PCDHA6: variants seen among roughly 807,000 people sequenced by gnomAD.
PCDHA6 encodes the protein protocadherin alpha 6.
A neutral mutation model predicts 60.3 loss-of-function variants in PCDHA6; 55 were observed. The observed-to-expected ratio is 0.91, with a 90% confidence interval of 0.73 to 1.14. The LOEUF is 1.14. Ranked by LOEUF, PCDHA6 falls within the 50% of genes most tolerant of loss-of-function variation. The pLI, the probability that PCDHA6 is intolerant of heterozygous loss-of-function variation, is 0.00. For synonymous variants in PCDHA6, 652 were observed against 557.9 expected, an observed-to-expected ratio of 1.17 and a Z score of -2.38; for missense variants, 1,327 against 1,256.5, an observed-to-expected ratio of 1.06 and a Z score of -0.85.
At chr5:140,994,809 C>G (rs1366407347) in intron 3 of PCDHA6, among the ~76,000 whole-genome samples, 1 of 152,016 alleles carries the variant, frequency 6.6e-6, no homozygotes, top group Non-Finnish European at 1.5e-5. Flanking sequence ...AAACAAAATA[C>G]AAAAAACTGA....
intron 3 of PCDHA6, among the ~76,000 whole-genome samples, chr5:141,000,416 TA>T (rs1479552208): frequency 1.6e-3 from 150 of 93,344 alleles, no homozygotes; most frequent in Non-Finnish European, 2.1e-3. Flanking sequence ...TATATATATA[TA>T]TATATTTTTT....
chr5:141,007,775 A>G (rs1156577699), intron 3 of PCDHA6, among the ~76,000 whole-genome samples: 2 of 152,216 alleles, frequency 1.3e-5, no homozygotes, highest in Non-Finnish European at 2.9e-5. Context: ...TGGAAATGGT[A>G]CTGCTTTACA....
At chr5:140,915,825 C>T (rs1272581051) in intron 1 of PCDHA6, among the ~76,000 whole-genome samples, 1 of 152,118 alleles carries the variant, frequency 6.6e-6, no homozygotes, top group Non-Finnish European at 1.5e-5. Flanking sequence ...GGCCCTAGGG[C>T]TCTAAGATCA....
In PCDHA6 at chr5:140,834,566, G is replaced by T. The variant is rs149709586; in HGVS notation, c.2394+4081G>T. ...GGCTGGAGCTGGCGGAGCTGGTGCC[G>T]CGCCTGTTCCGGGCGGTGTGCAAAT... is the stretch of plus-strand genomic sequence containing the variant. On this transcript the variant is annotated intron_variant, in intron 1 of 3. Transcript: ENST00000529310. The T allele has an allele frequency of 1.5e-3, 2,437 of 1,614,096 alleles. 37 individuals carry two copies. In the African/African-American group the frequency reaches 0.029, roughly 19 times the overall value.
intron 1 of PCDHA6, chr5:140,866,572 G>A (rs1184209628): frequency 1.3e-5 from 2 of 152,168 alleles, no homozygotes; most frequent in Non-Finnish European, 2.9e-5. Context: ...TGTTAATACA[G>A]TGGTTGGATA....
chr5:140,835,878 G>T lies in PCDHA6; in HGVS notation c.2394+5393G>T, dbSNP rs138465402. On this transcript the variant is annotated intron_variant, in intron 1 of 3. Coordinates refer to ENST00000529310, the MANE Select transcript of PCDHA6 (RefSeq NM_018909.4). ...GTCCTACTCGCTGGTGGAGCTGCGG[G>T]TGGGCGAGCGCGCGCTGTCGAGCTA... The T allele has an allele frequency of 1.4e-4, 227 of 1,611,876 alleles. 3 individuals carry two copies. The highest frequency in any genetic ancestry group is 3.7e-4 in the Admixed American group (22 of 59,972).
At chr5:140,849,211 C>G (rs2040817305) in intron 1 of PCDHA6, 1 of 1,031,974 alleles carries the variant, frequency 9.7e-7, no homozygotes, top group East Asian at 2.6e-5. Flanking sequence ...AATGACAATG[C>G]CCCAGTGTTC....
chr5:140,943,476 AAAT>A (rs1167849813), intron 1 of PCDHA6, among the ~76,000 whole-genome samples: 3 of 152,134 alleles, frequency 2.0e-5, no homozygotes, highest in Non-Finnish European at 2.9e-5. Context: ...AGATACAGTA[AAAT>A]AATAAATAGA....
At chr5:140,869,695 A>G (rs2051335232) in intron 1 of PCDHA6, 1 of 1,613,342 alleles carries the variant, frequency 6.2e-7, no homozygotes, top group African/African-American at 1.3e-5. Context: ...TATTTTAAAG[A>G]AGTCTCTGGA....
chr5:140,968,855 A>G (rs2096275634), intron 1 of PCDHA6: 2 of 1,614,198 alleles, frequency 1.2e-6, no homozygotes, highest in Non-Finnish European at 1.7e-6. Flanking sequence ...GCATGTTAAG[A>G]GCCCTCGGAC....
At chr5:140,933,773 A>G (rs2089413998) in intron 1 of PCDHA6, among the ~76,000 whole-genome samples, 1 of 152,040 alleles carries the variant, frequency 6.6e-6, no homozygotes, top group South Asian at 2.1e-4. Context: ...CTGTACCTAC[A>G]GTTTTCTTTG....
intron 1 of PCDHA6, among the ~76,000 whole-genome samples, chr5:140,956,723 A>G (rs536528599): frequency 6.6e-6 from 1 of 152,166 alleles, no homozygotes; most frequent in Non-Finnish European, 1.5e-5. Context: ...AAGAATTGGT[A>G]CCAGCTCCTC....
chr5:140,868,098 A>G (rs972281563), intron 1 of PCDHA6: 22 of 152,120 alleles, frequency 1.4e-4, no homozygotes, highest in Admixed American at 1.0e-3. Context: ...AATGATAATA[A>G]AATTTATTTT....
chr5:140,941,373 G>A (rs576282436), intron 1 of PCDHA6, among the ~76,000 whole-genome samples: 2 of 134,082 alleles, frequency 1.5e-5, no homozygotes, highest in South Asian at 5.1e-4. Flanking sequence ...CTGGAGTGTA[G>A]TGACAGGATT....
intron 1 of PCDHA6, among the ~76,000 whole-genome samples, chr5:140,886,264 A>T (rs1471846282): frequency 3.3e-5 from 5 of 151,982 alleles, no homozygotes; most frequent in Admixed American, 3.3e-4. Flanking sequence ...CTATTTATAG[A>T]TAAAATTTTT....
intron 1 of PCDHA6, among the ~76,000 whole-genome samples, chr5:140,874,790 A>C (rs2055107111): frequency 6.6e-6 from 1 of 152,254 alleles, no homozygotes; most frequent in East Asian, 1.9e-4. Context: ...TCTAACTTTC[A>C]TCAGATTTAT....
intron 1 of PCDHA6, among the ~76,000 whole-genome samples, chr5:140,964,964 C>T (rs1035701368): frequency 2.6e-5 from 4 of 152,212 alleles, no homozygotes; most frequent in Non-Finnish European, 4.4e-5. Flanking sequence ...GTTGGTGGAA[C>T]GAAGGGATGT....
intron 1 of PCDHA6, among the ~76,000 whole-genome samples, chr5:140,975,683 G>T (rs1226769029): frequency 6.6e-6 from 1 of 151,934 alleles, no homozygotes; most frequent in Non-Finnish European, 1.5e-5. Context: ...AATAAAATAG[G>T]GTATTTTAAA....
rs76093196 is a variant in PCDHA6, at chr5:140,971,173, C to G, written c.2395-7776C>G. Reference sequence around the variant, plus strand: ...AGGCCAGGCTCAGCTTTGCCACCAGCTGTAAGCCGGAAGCTCAGAGGAAAG... The same window carrying G: ...AGGCCAGGCTCAGCTTTGCCACCAGGTGTAAGCCGGAAGCTCAGAGGAAAG... On this transcript the variant is annotated intron_variant, in intron 1 of 3. Transcript: ENST00000529310. Among the ~76,000 whole-genome samples the G allele has an allele frequency of 3.8e-3, 583 of 152,260 alleles. 1 individual carries two copies. Among genetic ancestry groups the G allele is most frequent in the Non-Finnish European group, 7.2e-3 (492 of 68,018 alleles).
Sources: gnomAD v4.1 joint callset for allele counts (sites outside exome capture counted in the v4.1 genomes callset) on GRCh38, gnomAD v4.1.1 for gene constraint, MANE v1.5 for transcripts, NCBI Gene and HGNC (gene_info 2026-07-23, HGNC 2026-07-21) for gene names.